Variants in ROBO1 observed in about 807,000 individuals in gnomAD.
The protein encoded by ROBO1 is roundabout homolog 1.
A neutral mutation model predicts 195.9 loss-of-function variants in ROBO1; 149 were observed. That is an observed-to-expected ratio of 0.76 (90% CI 0.67 to 0.87). The LOEUF (loss-of-function observed/expected upper bound fraction) is 0.87. Among genes scored for constraint, ROBO1 ranks in the 40% least tolerant of loss-of-function variants. ROBO1 has a pLI of 0.00. For missense variants in ROBO1, 1,933 were observed against 2,068.3 expected, an observed-to-expected ratio of 0.93 and a Z score of 1.27; for synonymous variants, 816 against 733.2, an observed-to-expected ratio of 1.11 and a Z score of -1.82.
intron 4 of ROBO1, among the ~76,000 whole-genome samples, chr3:78,849,831 TACACACAC>T (rs576994363): frequency 1.3e-4 from 10 of 79,708 alleles, no homozygotes; most frequent in African/African-American, 1.7e-4. Flanking sequence ...TCTCTCCCAT[TACACACAC>T]ACACACACAC....
At chr3:79,472,566 C>T (rs189235401) in intron 2 of ROBO1, among the ~76,000 whole-genome samples, 1 of 152,218 alleles carries the variant, frequency 6.6e-6, no homozygotes, top group Non-Finnish European at 1.5e-5. Context: ...ACATTTCAAA[C>T]TTTAGGAATT....
chr3:79,241,700 T>C (rs2082521399), intron 2 of ROBO1, among the ~76,000 whole-genome samples: 1 of 150,074 alleles, frequency 6.7e-6, no homozygotes, highest in Non-Finnish European at 1.5e-5. Flanking sequence ...AATAAATATG[T>C]AATAACAATA....
At chr3:79,745,578 G>T (rs1209424846) in intron 1 of ROBO1, among the ~76,000 whole-genome samples, 1 of 152,124 alleles carries the variant, frequency 6.6e-6, no homozygotes, top group African/African-American at 2.4e-5. Context: ...CTTACAGGTT[G>T]TGTCATTAGC....
At chr3:79,711,663 C>A (rs1334841028) in intron 1 of ROBO1, among the ~76,000 whole-genome samples, 1 of 151,440 alleles carries the variant, frequency 6.6e-6, no homozygotes, top group African/African-American at 2.5e-5. Flanking sequence ...TACACACATA[C>A]ACACACACGC....
chr3:79,067,783 G>A (rs1197639703), intron 3 of ROBO1, among the ~76,000 whole-genome samples: 1 of 151,908 alleles, frequency 6.6e-6, no homozygotes, highest in Non-Finnish European at 1.5e-5. Context: ...GGTTTCTGAG[G>A]GTTGGGAACC....
chr3:79,503,619 G>A (rs1384389700), intron 2 of ROBO1, among the ~76,000 whole-genome samples: 6 of 152,196 alleles, frequency 3.9e-5, no homozygotes, highest in Non-Finnish European at 7.3e-5. Context: ...GGATAGGTCT[G>A]TGTCGAAGGA....
At chr3:78,652,286 GA>G (rs1374498494) in intron 18 of ROBO1, among the ~76,000 whole-genome samples, 1 of 152,020 alleles carries the variant, frequency 6.6e-6, no homozygotes, top group Non-Finnish European at 1.5e-5. Context: ...ACTAAAGAAT[GA>G]AGTACTTTAA....
intron 5 of ROBO1, among the ~76,000 whole-genome samples, chr3:78,722,464 T>C (rs1234749298): frequency 6.6e-6 from 1 of 152,160 alleles, no homozygotes; most frequent in Non-Finnish European, 1.5e-5. Context: ...AAAACTTTCA[T>C]ATCAATGCAG....
At position 79,250,972 on chromosome 3, in the gene ROBO1, T is replaced by C. The variant is rs181345035; in HGVS notation, c.89-125433A>G. ...CTGGAGGCTTAGGCACAAGAATCAC[T>C]TGAAGCTGGAAGGCGGAGATTGCAG... On this transcript the variant is annotated intron_variant, in intron 2 of 30. Transcript: ENST00000464233. Among the ~76,000 whole-genome samples the C allele has an allele frequency of 1.9e-3, 295 of 152,246 alleles. 2 individuals are homozygous for C. The highest frequency in any genetic ancestry group is 6.7e-3 in the African/African-American group (280 of 41,546).
rs189897834 is a variant in ROBO1, at chr3:79,616,302, G to T, written c.-50-26341C>A. On this transcript the variant is annotated intron_variant, in intron 1 of 30. Transcript: ENST00000464233. ...TCCTTGTGTCTCCACATCACTAGGT[G>T]CTCCATGAATATTTCCTAGAGTGCA... Among the ~76,000 whole-genome samples, 108 of 152,216 alleles carry T rather than the reference G, an allele frequency of 7.1e-4. 2 individuals are homozygous for T. Among genetic ancestry groups the T allele is most frequent in the Admixed American group, 2.3e-3 (35 of 15,288 alleles).
rs78153967 is a variant in ROBO1 at position 78,923,299 on chromosome 3, T to C, written c.499+15302A>G. On this transcript the variant is annotated intron_variant, in intron 4 of 30. Coordinates refer to ENST00000464233, the MANE Select transcript of ROBO1 (RefSeq NM_002941.4). ...TACAAGGTCCTTATCCTCATGGAAC[T>C]GACATTTCATGAAGGAAACTCAATG... 1.4e-3 allele frequency among the ~76,000 whole-genome samples: 215 copies of C among 152,280 alleles called. 4 individuals are homozygous for C. In the East Asian group the frequency reaches 0.033, roughly 23 times the overall value.
intron 3 of ROBO1, among the ~76,000 whole-genome samples, chr3:79,104,205 T>C (rs2079732559): frequency 6.6e-6 from 1 of 151,792 alleles, no homozygotes; most frequent in Non-Finnish European, 1.5e-5. Flanking sequence ...CTTTTAGTAT[T>C]TCAAGGAGTC....
chr3:79,319,975 G>T (rs886497227), intron 2 of ROBO1, among the ~76,000 whole-genome samples: 5 of 152,142 alleles, frequency 3.3e-5, no homozygotes, highest in African/African-American at 1.2e-4. Context: ...TGTATAACCA[G>T]GGTAGACCCT....
chr3:79,596,042 A>G (rs1944159601), intron 1 of ROBO1, among the ~76,000 whole-genome samples: 1 of 152,040 alleles, frequency 6.6e-6, no homozygotes, highest in South Asian at 2.1e-4. Context: ...TACATATGAG[A>G]TAGACTACAG....
At chr3:78,729,667 C>T (rs2082243618) in intron 5 of ROBO1, among the ~76,000 whole-genome samples, 1 of 152,156 alleles carries the variant, frequency 6.6e-6, no homozygotes, top group African/African-American at 2.4e-5. Flanking sequence ...CCCCAGGTGT[C>T]TGGTTCCCAA....
rs975032690 is a variant in ROBO1 at position 79,589,947 on chromosome 3, C to T, written c.-36G>A. On this transcript the variant is annotated 5_prime_UTR_variant, in exon 2 of 31. Transcript: ENST00000464233. ...TCCTTGCATTACAACCAGCCAGTGA[C>T]AGACAATGTGTTATCTGGGGAGATT... 2.2e-5 allele frequency: 32 copies of T among 1,437,156 alleles called. 1 individual carries two copies. In the East Asian group the frequency reaches 6.8e-4, roughly 31 times the overall value. The allele number at this position is 1,437,156 out of a possible 1,614,324, so 89.0% of individuals were successfully genotyped here.
intron 4 of ROBO1, among the ~76,000 whole-genome samples, chr3:78,869,578 C>T (rs1005443026): frequency 3.3e-5 from 5 of 152,116 alleles, no homozygotes; most frequent in African/African-American, 7.2e-5. Flanking sequence ...TCTCCTTAGC[C>T]TCCTGAGTAG....
intron 4 of ROBO1, among the ~76,000 whole-genome samples, chr3:78,832,616 ATC>A (rs1258666371): frequency 6.6e-6 from 1 of 152,266 alleles, no homozygotes; most frequent in South Asian, 2.1e-4. Context: ...ATAGGATGTG[ATC>A]TCTGTTTTGC....
chr3:79,616,400 T>C (rs1040443173), intron 1 of ROBO1, among the ~76,000 whole-genome samples: 9 of 152,034 alleles, frequency 5.9e-5, no homozygotes, highest in African/African-American at 2.2e-4. Flanking sequence ...GAAATATGAC[T>C]GGGACAACCA....
Sources: allele counts gnomAD v4.1 joint callset (sites outside exome capture counted in the v4.1 genomes callset), GRCh38; gene constraint gnomAD v4.1.1; transcripts MANE v1.5; gene names NCBI Gene and HGNC (gene_info 2026-07-23, HGNC 2026-07-21).